Variants in NADK2 observed in about 807,000 individuals in gnomAD.
The protein encoded by NADK2 is NAD kinase 2, mitochondrial, also known as NAD kinase domain-containing protein 1, mitochondrial.
Under a neutral mutation model 62.1 loss-of-function variants are expected in NADK2, and 35 were observed. The ratio of observed to expected loss-of-function variants is 0.56; its 90% CI spans 0.43 to 0.75. The LOEUF is 0.75. Ranked by LOEUF, NADK2 falls within the 30% of genes least tolerant of loss-of-function variation. NADK2 has a pLI of 0.00. For synonymous variants in NADK2, 205 were observed against 207.9 expected, an observed-to-expected ratio of 0.99 and a Z score of 0.12; for missense variants, 439 against 561.3, an observed-to-expected ratio of 0.78 and a Z score of 2.20.
chr5:36,241,416 C>G lies in NADK2; in HGVS notation c.300+83G>C, dbSNP rs1748115019. 1.4e-6 allele frequency: 2 copies of G among 1,425,616 alleles called. No homozygotes were observed. Among genetic ancestry groups the G allele is most frequent in the Non-Finnish European group, 1.8e-6 (2 of 1,092,716 alleles). 88.3% of individuals were successfully genotyped at this position (1,425,616 alleles called of 1,614,324 possible). A position where few individuals can be genotyped will look rare whatever the true frequency, so the allele number is the denominator to read the frequency against. On this transcript the variant is annotated intron_variant, in intron 1 of 11. Transcript: ENST00000381937. This position sits in a 1 kb window ranked among gnomAD's most constrained non-coding sequence, Gnocchi z 4.9. Reference sequence around the variant, plus strand: ...TGCGGTGCCCTGGGAAGAGTCGTCCCGAGAGGTCCCCCCGAGGGGGCGCAG... The same window carrying G: ...TGCGGTGCCCTGGGAAGAGTCGTCCGGAGAGGTCCCCCCGAGGGGGCGCAG...
chr5:36,196,466 A>T (rs1341833354), intron 11 of NADK2, among the ~76,000 whole-genome samples: 1 of 152,084 alleles, frequency 6.6e-6, no homozygotes, highest in Non-Finnish European at 1.5e-5. Context: ...TTTTTCTGTC[A>T]TGTTGCCTGC....
intron 3 of NADK2, 76 bp downstream of exon 3, chr5:36,226,399 G>A (rs1747483672): frequency 8.7e-7 from 1 of 1,152,474 alleles, no homozygotes; most frequent in Non-Finnish European, 1.3e-6. Flanking sequence ...AATATAGCTA[G>A]ACCCTAGGGT....
intron 6 of NADK2, among the ~76,000 whole-genome samples, chr5:36,215,818 T>C (rs937110258): frequency 1.3e-5 from 2 of 152,186 alleles, no homozygotes; most frequent in African/African-American, 4.8e-5. Context: ...TGTGTATATA[T>C]ACACATTTTC....
intron 8 of NADK2, among the ~76,000 whole-genome samples, chr5:36,201,579 CAA>C (rs1338493211): frequency 6.6e-6 from 1 of 151,442 alleles, no homozygotes; most frequent in Non-Finnish European, 1.5e-5. Context: ...AAAAATAATA[CAA>C]ATATATGTGC....
intron 7 of NADK2, among the ~76,000 whole-genome samples, chr5:36,207,714 C>T (rs1746693126): frequency 6.6e-6 from 1 of 152,024 alleles, no homozygotes; most frequent in African/African-American, 2.4e-5. Context: ...TTCTACTAAA[C>T]TCTTGTTTCT....
chr5:36,219,227 T>C (rs1484010760), intron 5 of NADK2, among the ~76,000 whole-genome samples: 1 of 152,214 alleles, frequency 6.6e-6, no homozygotes, highest in Non-Finnish European at 1.5e-5. Flanking sequence ...TTTGTTTGTT[T>C]TGAGACACAG....
rs563595858 is a variant in NADK2 at position 36,210,278 on chromosome 5, G to A, written c.860+1566C>T. Among the ~76,000 whole-genome samples, 7 of 152,202 alleles carry A rather than the reference G, an allele frequency of 4.6e-5. No homozygotes were observed. In the East Asian group the frequency reaches 5.8e-4, roughly 13 times the overall value. On this transcript the variant is annotated intron_variant, in intron 7 of 11. Transcript: ENST00000381937. ...TATCACAGTAGTCATTTTACAGCTC[G>A]TCACTGTGTTCCACAAAAATGTTTT...
intron 3 of NADK2, 143 bp from the exon 4 acceptor site, chr5:36,225,766 T>G: frequency 1.6e-6 from 1 of 621,204 alleles, no homozygotes; most frequent in Non-Finnish European, 2.8e-6. Flanking sequence ...TTTCTACCTA[T>G]TATACCTTTG....
chr5:36,199,771 T>G (rs1008126530), intron 10 of NADK2, among the ~76,000 whole-genome samples: 2 of 151,996 alleles, frequency 1.3e-5, no homozygotes, highest in Non-Finnish European at 2.9e-5. Flanking sequence ...TCATAAGTAT[T>G]CTTTCTCTAA....
chr5:36,207,159 A>T lies in NADK2; in HGVS notation c.956+11T>A. 6.2e-7 allele frequency: 1 copy of T among 1,605,732 alleles called. No homozygotes were observed. The highest frequency in any genetic ancestry group is 8.5e-7 in the Non-Finnish European group (1 of 1,173,298). ...CACAAAACTTGATAAGCAACATCCCAAGTTACTCACCAGGCCTTTGATCCT... is the reference window on the plus strand; with the variant it reads ...CACAAAACTTGATAAGCAACATCCCTAGTTACTCACCAGGCCTTTGATCCT... On this transcript the variant is annotated intron_variant, in intron 8 of 11. Coordinates refer to ENST00000381937, the MANE Select transcript of NADK2 (RefSeq NM_001085411.3).
intron 1 of NADK2, among the ~76,000 whole-genome samples, chr5:36,236,314 C>G (rs1245343291): frequency 2.0e-5 from 3 of 152,198 alleles, no homozygotes; most frequent in Non-Finnish European, 2.9e-5. Flanking sequence ...TATTTAACTG[C>G]AAGTATTTAT....
chr5:36,236,014 G>A (rs1747896004), intron 1 of NADK2, among the ~76,000 whole-genome samples: 1 of 151,792 alleles, frequency 6.6e-6, no homozygotes. Context: ...GACAAATAAA[G>A]TCAATTTACA....
At chr5:36,218,067 TTC>T (rs1747115132) in intron 5 of NADK2, 183 bp from the exon 6 acceptor site, 3 of 532,318 alleles carry the variant, frequency 5.6e-6, no homozygotes, top group Non-Finnish European at 6.5e-6. Context: ...TGAATATTTA[TTC>T]TCTTTTCAAT....
At chr5:36,207,446 T>TAA (rs34974252) in intron 7 of NADK2, among the ~76,000 whole-genome samples, 181 bp from the exon 8 acceptor site, 431 of 147,078 alleles carry the variant, frequency 2.9e-3, no homozygotes, top group Middle Eastern at 7.0e-3. Flanking sequence ...TAGAAGAAAT[T>TAA]AAAAAAAAAA....
At chr5:36,207,324 G>C (rs1746678024) in intron 7 of NADK2, 59 bp from the exon 8 acceptor site, 2 of 1,224,870 alleles carry the variant, frequency 1.6e-6, no homozygotes, top group South Asian at 1.3e-5. Context: ...AAATAAGAGA[G>C]TCTTCTTCAG....
Position 36,195,228 on chromosome 5 carries a change from A to G in NADK2, c.1245T>C (p.Thr415=), listed in dbSNP as rs753933605. The G allele has an allele frequency of 6.2e-7, 1 of 1,613,590 alleles. No homozygotes were observed. Among genetic ancestry groups the G allele is most frequent in the Non-Finnish European group, 8.5e-7 (1 of 1,179,778 alleles). Residue 415 remains threonine, a synonymous_variant, in exon 12 of 12, where the codon ACT becomes ACC. Transcript: ENST00000381937. ...TTGCACCATCATTAAACTCAAAAGA[A>G]GTTCCTCCATCCACAACCATACAGG... is the stretch of plus-strand genomic sequence containing the variant. ...WDACMVVDGG[T]SFEFNDGAIA...
intron 1 of NADK2, among the ~76,000 whole-genome samples, chr5:36,234,101 G>A (rs112341765): frequency 3.5e-4 from 54 of 152,128 alleles, no homozygotes; most frequent in East Asian, 1.5e-3. Flanking sequence ...TGGGCCAGGC[G>A]CGGTGGCTCA....
chr5:36,207,447 A>T (rs918251874), intron 7 of NADK2, among the ~76,000 whole-genome samples, 182 bp from the exon 8 acceptor site: 1 of 39,148 alleles, frequency 2.6e-5, no homozygotes, highest in African/African-American at 7.7e-5. Flanking sequence ...AGAAGAAATT[A>T]AAAAAAAAAA....
intron 6 of NADK2, among the ~76,000 whole-genome samples, chr5:36,216,502 T>G (rs1747049000): frequency 6.6e-6 from 1 of 152,160 alleles, no homozygotes; most frequent in African/African-American, 2.4e-5. Context: ...TAGACCAACG[T>G]GCTGAATAAT....
Sources: gnomAD v4.1 joint callset for allele counts (sites outside exome capture counted in the v4.1 genomes callset) on GRCh38, gnomAD v4.1.1 for gene constraint, Gnocchi (gnomAD v3.1) non-coding constraint, MANE v1.5 for transcripts, NCBI Gene and HGNC (gene_info 2026-07-23, HGNC 2026-07-21) for gene names.